URGCP: variants seen among roughly 807,000 people sequenced by gnomAD.
The protein encoded by URGCP is upregulator of cell proliferation.
A neutral mutation model predicts 24.6 loss-of-function variants in URGCP; 13 were observed. The observed-to-expected ratio is 0.53, with a 90% CI of 0.34 to 0.84. URGCP has a LOEUF of 0.84. Ranked by LOEUF, URGCP falls within the 40% of genes least tolerant of loss-of-function variation. The pLI is 0.01. For missense variants in URGCP, 899 were observed against 1,194.3 expected (o/e 0.75, Z 3.64); for synonymous variants, 444 against 487.2 (o/e 0.91, Z 1.17).
At chr7:43,894,281 C>T (rs1030425172) in intron 1 of URGCP, among the ~76,000 whole-genome samples, 3 of 152,206 alleles carry the variant, frequency 2.0e-5, no homozygotes, top group Non-Finnish European at 4.4e-5. Flanking sequence ...ACATTCTTCT[C>T]ACCAGCACAC....
At chr7:43,896,054 A>C (rs1026149147) in intron 1 of URGCP, among the ~76,000 whole-genome samples, 1 of 152,220 alleles carries the variant, frequency 6.6e-6, no homozygotes, top group Non-Finnish European at 1.5e-5. Flanking sequence ...AGCCTGGAGA[A>C]CCTTAAGTCA....
In URGCP at chr7:43,887,828, A is replaced by C. The variant is rs1194644393; in HGVS notation, c.15-12T>G. The C allele has an allele frequency of 2.7e-6, 4 of 1,503,410 alleles. No homozygotes were observed. Among genetic ancestry groups the C allele is most frequent in the Non-Finnish European group, 2.7e-6 (3 of 1,106,140 alleles). 93.1% of individuals were successfully genotyped at this position (1,503,410 alleles called of 1,614,324 possible). On this transcript the variant is annotated splice_polypyrimidine_tract_variant and intron_variant, in intron 1 of 5. Coordinates refer to ENST00000453200, the MANE Select transcript of URGCP (RefSeq NM_001077663.3). ...ATTCCACTTCTATCCTAAGGAAATA[A>C]TTAAGATTTAGTTACAAAGATGTTG...
chr7:43,898,366 G>A (rs1377771780), intron 1 of URGCP, among the ~76,000 whole-genome samples: 1 of 152,182 alleles, frequency 6.6e-6, no homozygotes, highest in Non-Finnish European at 1.5e-5. Flanking sequence ...AGAGAGCTCC[G>A]ATTTGTAGTA....
At chr7:43,916,012 A>G (rs2095915045) in intron 1 of URGCP, among the ~76,000 whole-genome samples, 1 of 152,168 alleles carries the variant, frequency 6.6e-6, no homozygotes, top group African/African-American at 2.4e-5. Context: ...TCCATCTTAA[A>G]AAAAAAAAGT....
chr7:43,877,462 C>T lies in URGCP; in HGVS notation c.2001G>A (p.Thr667=), dbSNP rs369206269. ...GLPLELIDGS[T]LSMPVRWVTG... ...TGACCCAGCGGACGGGCATGCTCAG[C>T]GTGCTCCCATCGATTAGCTCCAGAG... The change falls in exon 6 of 6, where the codon ACG becomes ACA. Residue 667 remains threonine, a synonymous_variant. Coordinates refer to ENST00000453200, the MANE Select transcript of URGCP (RefSeq NM_001077663.3). 2.4e-5 allele frequency: 39 copies of T among 1,613,664 alleles called. 1 individual carries two copies. Among genetic ancestry groups the T allele is most frequent in the Admixed American group, 8.3e-5 (5 of 60,032 alleles).
At chr7:43,904,081 A>C (rs2132710219) in intron 1 of URGCP, among the ~76,000 whole-genome samples, 1 of 152,306 alleles carries the variant, frequency 6.6e-6, no homozygotes. Flanking sequence ...TACTGCTGTC[A>C]CATTGATTCT....
At chr7:43,925,859 C>T (rs1187840708) in intron 1 of URGCP, among the ~76,000 whole-genome samples, 1 of 139,920 alleles carries the variant, frequency 7.1e-6, no homozygotes, top group Non-Finnish European at 1.5e-5. Flanking sequence ...TTTCGTGACA[C>T]ACTAGTTCAT....
Position 43,877,237 on chromosome 7 carries a change from G to A in URGCP, c.2226C>T (p.Asp742=). 6.2e-7 allele frequency: 1 copy of A among 1,614,110 alleles called. No individual in the cohort carries two copies. The highest frequency in any genetic ancestry group is 8.5e-7 in the Non-Finnish European group (1 of 1,180,014). ...LITVAEGFSQ[D]LGCDHILVID... is the part of the protein sequence containing the mutation. ...TCACCAGGATGTGGTCACAGCCCAG[G>A]TCCTGGCTGAAGCCCTCAGCCACTG... Residue 742 remains aspartate (D), a synonymous_variant, in exon 6 of 6, where the codon GAC becomes GAT. Transcript: ENST00000453200.
intron 1 of URGCP, among the ~76,000 whole-genome samples, chr7:43,899,048 C>G (rs1017256840): frequency 2.7e-5 from 4 of 149,748 alleles, no homozygotes; most frequent in Non-Finnish European, 5.9e-5. Flanking sequence ...GCAGGACAAT[C>G]GCTTGATCCC....
At position 43,888,001 on chromosome 7, in the gene URGCP, A is replaced by G. The variant is rs574752597; in HGVS notation, c.15-185T>C. On this transcript the variant is annotated intron_variant, in intron 1 of 5. Transcript: ENST00000453200. ...AAGATGCTGGATGAGATATTAGGGA[A>G]AGCTGTTATATTAATTAGTCGGGGG... 23 of 568,588 alleles carry G rather than the reference A, an allele frequency of 4.0e-5. No individual in the cohort carries two copies. In the South Asian group the frequency reaches 5.2e-4, roughly 13 times the overall value. 35.2% of individuals were successfully genotyped at this position (568,588 alleles called of 1,614,324 possible). A position where few individuals can be genotyped will look rare whatever the true frequency, so the allele number is the denominator to read the frequency against.
chr7:43,878,159 A>G lies in URGCP; in HGVS notation c.1304T>C (p.Val435Ala). The stretch of plus-strand genomic sequence containing the variant: ...GCAGGGTGCCCGCAGCACATTCCCA[A>G]CGATGGCCCGGATCCTCTTCACGAA... ...DSFVKRIRAI[V>A]GNVLRAPCRR... Residue 435 changes from valine to alanine, a missense_variant, in exon 6 of 6, where the codon GTT (valine) becomes GCT (alanine). Physicochemically the swap from Val to Ala is moderately conservative, Grantham distance 64. Transcript: ENST00000453200. The surrounding 1 kb of genome is among the most constrained non-coding windows in gnomAD (Gnocchi z 5.6). 1.2e-6 allele frequency: 2 copies of G among 1,614,142 alleles called. No individual in the cohort carries two copies. The highest frequency in any genetic ancestry group is 1.7e-6 in the Non-Finnish European group (2 of 1,180,026).
At chr7:43,901,251 CTCTCCCCTGAGCTGGGGTG>C in intron 1 of URGCP, among the ~76,000 whole-genome samples, 1 of 152,318 alleles carries the variant, frequency 6.6e-6, no homozygotes, top group South Asian at 2.1e-4. Context: ...GGATGAGAGG[CTCTCCCCTGAGCTGGGGTG>C]GGCTCTTCAG....
chr7:43,894,147 C>T (rs571994612), intron 1 of URGCP, among the ~76,000 whole-genome samples: 3 of 152,058 alleles, frequency 2.0e-5, no homozygotes, highest in Admixed American at 2.0e-4. Context: ...GAATTCAATA[C>T]CCATTTTCAG....
chr7:43,925,749 C>T (rs752201440), intron 1 of URGCP, among the ~76,000 whole-genome samples: 3 of 150,036 alleles, frequency 2.0e-5, no homozygotes, highest in Non-Finnish European at 4.4e-5. Flanking sequence ...ATCCGCCTGC[C>T]TCGGCCTCCC....
At chr7:43,908,533 A>G (rs2095906668), upstream of URGCP, among the ~76,000 whole-genome samples, 1 of 152,218 alleles carries the variant, frequency 6.6e-6, no homozygotes, top group African/African-American at 2.4e-5. Context: ...CTCCCAAAAC[A>G]GAAAATGTCT....
At chr7:43,888,744 G>A (rs998651460) in intron 1 of URGCP, 9 of 151,896 alleles carry the variant, frequency 5.9e-5, no homozygotes, top group African/African-American at 2.2e-4. Flanking sequence ...AGATGTAGGT[G>A]TGCACACATA....
chr7:43,877,376 G>C lies in URGCP; in HGVS notation c.2087C>G (p.Ser696Ter). Reference sequence around the variant, plus strand: ...GCCCGTGCCTGGCACCCCGACGGTTGACAGAACCACCAGCCTTGACCGTCT... The same window carrying C: ...GCCCGTGCCTGGCACCCCGACGGTTCACAGAACCACCAGCCTTGACCGTCT... Reference protein sequence around the residue: ...LERRSRLVVLSTVGVPGTGKS... With the variant: ...LERRSRLVVL Residue 696 changes from serine (S) to a stop codon, truncating the protein, a stop_gained, in exon 6 of 6, where the codon TCA becomes TGA. Transcript: ENST00000453200. LOFTEE classifies it high-confidence loss of function. 2 of 1,612,888 alleles carry C rather than the reference G, an allele frequency of 1.2e-6. No homozygotes were observed. The highest frequency in any genetic ancestry group is 1.7e-6 in the Non-Finnish European group (2 of 1,180,012).
intron 1 of URGCP, among the ~76,000 whole-genome samples, chr7:43,890,407 G>A (rs918837073): frequency 4.7e-5 from 7 of 149,854 alleles, no homozygotes; most frequent in African/African-American, 9.9e-5. Context: ...TAGTAGAGAC[G>A]GGGTTTCACC....
At chr7:43,890,773 C>A (rs896224635) in intron 1 of URGCP, among the ~76,000 whole-genome samples, 2 of 152,194 alleles carry the variant, frequency 1.3e-5, no homozygotes, top group Non-Finnish European at 2.9e-5. Flanking sequence ...AGTGGACGGG[C>A]TGGTTTGTTG....
Sources: allele counts gnomAD v4.1 joint callset (sites outside exome capture counted in the v4.1 genomes callset), GRCh38; gene constraint gnomAD v4.1.1; non-coding constraint Gnocchi (gnomAD v3.1); transcripts MANE v1.5; gene names NCBI Gene and HGNC (gene_info 2026-07-23, HGNC 2026-07-21).